The following FUT8 variants were observed in gnomAD, a reference collection of about 807,000 sequenced individuals.
FUT8 encodes the protein alpha-(1,6)-fucosyltransferase.
In FUT8, 29 loss-of-function variants were observed where a neutral mutation model predicts 71.3. The observed-to-expected ratio is 0.41, with a 90% CI of 0.30 to 0.55. The LOEUF is 0.55. Among genes scored for constraint, FUT8 ranks in the 20% least tolerant of loss-of-function variants. The pLI, the probability that FUT8 is intolerant of heterozygous loss-of-function variation, is 0.34. For missense variants in FUT8, 544 were observed against 702.1 expected (o/e 0.77, Z 2.55); for synonymous variants, 254 against 239.3 (o/e 1.06, Z -0.57).
intron 7 of FUT8, among the ~76,000 whole-genome samples, chr14:65,672,063 T>C (rs1195016027): frequency 6.6e-6 from 1 of 152,228 alleles, no homozygotes; most frequent in Non-Finnish European, 1.5e-5. Context: ...AATTAGTTTG[T>C]ACAGTGATCA....
At chr14:65,445,335 A>G (rs1013680413) in intron 1 of FUT8, among the ~76,000 whole-genome samples, 1 of 152,222 alleles carries the variant, frequency 6.6e-6, no homozygotes. Flanking sequence ...TCCTCACCAG[A>G]TGCTGGCGCC....
intron 2 of FUT8, among the ~76,000 whole-genome samples, chr14:65,500,339 C>T (rs1198082468): frequency 6.6e-6 from 1 of 152,086 alleles, no homozygotes; most frequent in Admixed American, 6.5e-5. Context: ...TGGGCATCAT[C>T]GTCGTCATCA....
chr14:65,612,617 G>T (rs1889058073), intron 3 of FUT8, among the ~76,000 whole-genome samples: 1 of 152,128 alleles, frequency 6.6e-6, no homozygotes, highest in African/African-American at 2.4e-5. Context: ...GGTCTTTTTA[G>T]ACTCTTAGCT....
At chr14:65,715,660 A>G (rs11845391) in intron 7 of FUT8, among the ~76,000 whole-genome samples, 9,036 of 152,222 alleles carry the variant, frequency 0.059, 324 homozygotes, top group Admixed American at 0.11. Context: ...TTGTGTTTCC[A>G]TGATCGTTTG....
intron 2 of FUT8, among the ~76,000 whole-genome samples, chr14:65,485,913 A>C (rs77515250): frequency 0.014 from 2,071 of 152,298 alleles, 20 homozygotes; most frequent in Admixed American, 0.026. Flanking sequence ...GTCTCTCTAG[A>C]ATCGCTGTTC....
chr14:65,637,087 C>T (rs1890598545), intron 6 of FUT8, among the ~76,000 whole-genome samples: 1 of 152,096 alleles, frequency 6.6e-6, no homozygotes, highest in African/African-American at 2.4e-5. Context: ...GCCATTTTGT[C>T]CTGGTCTTAC....
intron 6 of FUT8, among the ~76,000 whole-genome samples, chr14:65,634,032 T>C (rs1348891443): frequency 6.6e-6 from 1 of 152,166 alleles, no homozygotes; most frequent in Non-Finnish European, 1.5e-5. Context: ...GAGGAGCCCC[T>C]CTGCCCGGCC....
At chr14:65,611,806 G>A (rs1397846090) in intron 3 of FUT8, among the ~76,000 whole-genome samples, 3 of 151,976 alleles carry the variant, frequency 2.0e-5, no homozygotes, top group Admixed American at 1.3e-4. Context: ...GATTACAGAC[G>A]TCTGCCACCA....
intron 9 of FUT8, among the ~76,000 whole-genome samples, chr14:65,729,187 A>G (rs534268631): frequency 6.6e-6 from 1 of 151,670 alleles, no homozygotes; most frequent in East Asian, 2.0e-4. Context: ...CATCATGCCC[A>G]GCTAATTTTT....
intron 10 of FUT8, among the ~76,000 whole-genome samples, chr14:65,738,584 G>T (rs1896338674): frequency 6.6e-6 from 1 of 151,998 alleles, no homozygotes; most frequent in African/African-American, 2.4e-5. Flanking sequence ...TGCAAACCAT[G>T]GACTGCTCTC....
the FUT8 span, among the ~76,000 whole-genome samples, chr14:65,371,483 T>C: frequency 6.6e-6 from 1 of 152,340 alleles, no homozygotes; most frequent in East Asian, 1.9e-4. Flanking sequence ...AATTGGTCAG[T>C]CTCTTTGACT....
At chr14:65,468,514 G>A (rs2066083492) in intron 2 of FUT8, among the ~76,000 whole-genome samples, 1 of 149,872 alleles carries the variant, frequency 6.7e-6, no homozygotes, top group Admixed American at 6.6e-5. Flanking sequence ...TGTGTGTGTT[G>A]ATTTTTTTCT....
At chr14:65,549,482 A>T (rs892862475) in intron 2 of FUT8, among the ~76,000 whole-genome samples, 1 of 152,090 alleles carries the variant, frequency 6.6e-6, no homozygotes, top group Non-Finnish European at 1.5e-5. Flanking sequence ...TTAAAAATAG[A>T]TTGGAAATTC....
intron 6 of FUT8, among the ~76,000 whole-genome samples, chr14:65,637,614 G>A (rs1030107997): frequency 6.6e-6 from 1 of 151,938 alleles, no homozygotes; most frequent in African/African-American, 2.4e-5. Context: ...TATTTATTTT[G>A]TGGAGATGGG....
chr14:65,612,846 A>T (rs1889071193), intron 3 of FUT8, among the ~76,000 whole-genome samples: 1 of 152,164 alleles, frequency 6.6e-6, no homozygotes, highest in African/African-American at 2.4e-5. Flanking sequence ...TTCAGGCAGG[A>T]TGGTAAATGT....
chr14:65,433,619 A>T (rs2088146786), intron 1 of FUT8, among the ~76,000 whole-genome samples: 2 of 152,250 alleles, frequency 1.3e-5, no homozygotes, highest in African/African-American at 2.4e-5. Context: ...AGGTAATGAA[A>T]AGTGAGTACT....
chr14:65,459,679 C>T (rs1006783169), intron 2 of FUT8, among the ~76,000 whole-genome samples: 5 of 152,020 alleles, frequency 3.3e-5, no homozygotes, highest in South Asian at 2.1e-4. Context: ...CATCTCAGCT[C>T]TTGGGTCTTT....
At chr14:65,633,811 C>T (rs1259887093) in intron 6 of FUT8, among the ~76,000 whole-genome samples, 4 of 151,644 alleles carry the variant, frequency 2.6e-5, no homozygotes, top group South Asian at 4.2e-4. Context: ...AAGTGAGGAG[C>T]GTCTCCGCCC....
intron 1 of FUT8, among the ~76,000 whole-genome samples, chr14:65,425,635 G>A (rs1466183234): frequency 6.6e-6 from 1 of 152,036 alleles, no homozygotes; most frequent in Non-Finnish European, 1.5e-5. Context: ...TAACACATCC[G>A]TCACCTCACA....
Sources: allele counts gnomAD v4.1 joint callset (sites outside exome capture counted in the v4.1 genomes callset), GRCh38; gene constraint gnomAD v4.1.1; transcripts MANE v1.5; gene names NCBI Gene and HGNC (gene_info 2026-07-23, HGNC 2026-07-21).